Variants in MARCHF7 observed in about 807,000 individuals in gnomAD.
MARCHF7 encodes E3 ubiquitin-protein ligase MARCHF7.
A neutral mutation model predicts 76.5 loss-of-function variants in MARCHF7; 20 were observed. That is an observed-to-expected ratio of 0.26 (90% CI 0.18 to 0.38). The LOEUF is 0.38. MARCHF7 is among the 10% of genes least tolerant of loss of function. The pLI is 1.00. For missense variants in MARCHF7, 797 were observed against 812.9 expected (o/e 0.98, Z 0.24); for synonymous variants, 295 against 293.0 (o/e 1.01, Z -0.07).
intron 4 of MARCHF7, among the ~76,000 whole-genome samples, chr2:159,730,339 TTG>T (rs1416479144): frequency 6.6e-6 from 1 of 152,240 alleles, no homozygotes; most frequent in Non-Finnish European, 1.5e-5. Flanking sequence ...GAAAATTTCT[TTG>T]TGTTAAGTAT....
chr2:159,725,006 A>G (rs905547168), intron 3 of MARCHF7, among the ~76,000 whole-genome samples: 1 of 152,224 alleles, frequency 6.6e-6, no homozygotes, highest in East Asian at 1.9e-4. Flanking sequence ...TACAAAGGAC[A>G]TGAACTCATC....
At chr2:159,745,391 C>G (rs139082391) in intron 5 of MARCHF7, among the ~76,000 whole-genome samples, 1 of 152,096 alleles carries the variant, frequency 6.6e-6, no homozygotes. Flanking sequence ...TGCGGTGGCT[C>G]GTGCTGTGAT....
intron 3 of MARCHF7, among the ~76,000 whole-genome samples, chr2:159,720,911 A>T (rs1483226366): frequency 2.0e-5 from 3 of 152,152 alleles, no homozygotes; most frequent in African/African-American, 7.2e-5. Flanking sequence ...AGGCTGGGGT[A>T]CAGTGGCATG....
At chr2:159,722,612 A>G (rs752881741) in intron 3 of MARCHF7, among the ~76,000 whole-genome samples, 5 of 152,136 alleles carry the variant, frequency 3.3e-5, no homozygotes, top group Non-Finnish European at 5.9e-5. Context: ...GTATCCAAAA[A>G]ACTTGGTTAA....
At chr2:159,746,209 A>G (rs186631789) in intron 6 of MARCHF7, among the ~76,000 whole-genome samples, 2 of 152,302 alleles carry the variant, frequency 1.3e-5, no homozygotes, top group Admixed American at 1.3e-4. Flanking sequence ...GTAACATACT[A>G]AATCGTATAT....
Position 159,745,879 on chromosome 2 carries a change from C to T in MARCHF7, c.456C>T (p.Ser152=), listed in dbSNP as rs757083935. ...ERRDLERRTD[S]SISNLMDYSH... is the part of the protein sequence containing the mutation. ...GAGATTTGGAGAGAAGAACAGATTC[C>T]TCTATTAGTAATCTTATGGATTATA... The change falls in exon 6 of 12, where the codon TCC becomes TCT. Residue 152 remains serine (S), a synonymous_variant. Coordinates refer to ENST00000409175, the MANE Select transcript of MARCHF7 (RefSeq NM_001282805.2). 3 of 1,612,954 alleles carry T rather than the reference C, an allele frequency of 1.9e-6. No homozygotes were observed. The highest frequency in any genetic ancestry group is 3.3e-5 in the Admixed American group (2 of 59,954).
intron 4 of MARCHF7, among the ~76,000 whole-genome samples, chr2:159,731,808 A>C (rs112132811): frequency 0.08 from 12,156 of 151,576 alleles, 569 homozygotes; most frequent in African/African-American, 0.13. Context: ...TTTTAAAAAA[A>C]ACCATTTAAA....
At chr2:159,714,011 A>C (rs1700687869) in intron 1 of MARCHF7, among the ~76,000 whole-genome samples, 1 of 152,136 alleles carries the variant, frequency 6.6e-6, no homozygotes, top group South Asian at 2.1e-4. Context: ...TGCCACCTGG[A>C]AGAGGGCTAT....
At chr2:159,757,801 T>A (rs1706522883) in intron 8 of MARCHF7, among the ~76,000 whole-genome samples, 1 of 152,244 alleles carries the variant, frequency 6.6e-6, no homozygotes, top group Admixed American at 6.5e-5. Flanking sequence ...TACATTTTCA[T>A]GTATGCTAGA....
intron 3 of MARCHF7, among the ~76,000 whole-genome samples, chr2:159,717,818 A>G (rs1701206049): frequency 6.6e-6 from 1 of 152,242 alleles, no homozygotes; most frequent in African/African-American, 2.4e-5. Flanking sequence ...AGATAACAGC[A>G]AAATAATAAA....
chr2:159,764,255 T>TGTGTGTGTGCGC (rs10592175), intron 10 of MARCHF7, among the ~76,000 whole-genome samples: 76 of 131,472 alleles, frequency 5.8e-4, no homozygotes, highest in African/African-American at 2.3e-3. Context: ...TGTGTGTGTG[T>TGTGTGTGTGCGC]GCGCGCGCCC....
chr2:159,749,045 C>A, intron 7 of MARCHF7, 142 bp downstream of exon 7: 1 of 930,716 alleles, frequency 1.1e-6, no homozygotes, highest in Non-Finnish European at 1.5e-6. Context: ...ATGGCACCAT[C>A]TCGGCTCACT....
intron 9 of MARCHF7, among the ~76,000 whole-genome samples, chr2:159,760,708 C>CTTTTTTTTTTTTTTTTT (rs34933843): frequency 6.8e-6 from 1 of 147,410 alleles, no homozygotes; most frequent in Non-Finnish European, 1.5e-5. Context: ...CAGTTTTTTC[C>CTTTTTTTTTTTTTTTTT]TTTTTTGTTT....
At position 159,768,312 on chromosome 2, in the gene MARCHF7, G is replaced by C. The variant is rs1471568483; in HGVS notation, c.*970G>C. The C allele has an allele frequency of 6.6e-6, 1 of 152,554 alleles. No individual in the cohort carries two copies. The highest frequency in any genetic ancestry group is 1.5e-5 in the Non-Finnish European group (1 of 67,992). 9.5% of individuals were successfully genotyped at this position (152,554 alleles called of 1,614,324 possible). A position where few individuals can be genotyped will look rare whatever the true frequency, so the allele number is the denominator to read the frequency against. On this transcript the variant is annotated 3_prime_UTR_variant, in exon 12 of 12. Transcript: ENST00000409175. ...TATTTTTCACTACCTTTGGAGAACA[G>C]ATGAACATTATTCACCATGAATGGA... is the stretch of plus-strand genomic sequence containing the variant.
chr2:159,725,763 A>ATGG (rs1174802523), intron 3 of MARCHF7, among the ~76,000 whole-genome samples: 1 of 152,134 alleles, frequency 6.6e-6, no homozygotes, highest in Non-Finnish European at 1.5e-5. Flanking sequence ...CCTTGATTAC[A>ATGG]TGGTAGTCCT....
intron 3 of MARCHF7, among the ~76,000 whole-genome samples, chr2:159,724,356 G>C (rs7578537): frequency 6.6e-6 from 1 of 152,010 alleles, no homozygotes; most frequent in South Asian, 2.1e-4. Flanking sequence ...CTTAGTGTTG[G>C]TCTTTTTTCT....
intron 3 of MARCHF7, among the ~76,000 whole-genome samples, chr2:159,728,349 GTTCA>G (rs1702405748): frequency 6.6e-6 from 1 of 152,150 alleles, no homozygotes; most frequent in East Asian, 1.9e-4. Flanking sequence ...TAAAAAGAAA[GTTCA>G]TTCATTCTTA....
At position 159,714,113 on chromosome 2, in the gene MARCHF7, A is replaced by G. The variant is rs114788729; in HGVS notation, c.-142-444A>G. 4.2e-3 allele frequency among the ~76,000 whole-genome samples: 647 copies of G among 152,302 alleles called. 4 individuals carry two copies. Among genetic ancestry groups the G allele is most frequent in the African/African-American group, 0.014 (602 of 41,564 alleles). The stretch of plus-strand genomic sequence containing the variant: ...GACACAAAAGTCATCCATGACTCTC[A>G]TGTAGCCAATTTTTAGTCCGCTCCA... On this transcript the variant is annotated intron_variant, in intron 1 of 11. Coordinates refer to ENST00000409175, the MANE Select transcript of MARCHF7 (RefSeq NM_001282805.2).
intron 4 of MARCHF7, among the ~76,000 whole-genome samples, chr2:159,742,484 AAAAC>A (rs1333804522): frequency 1.3e-5 from 2 of 152,154 alleles, no homozygotes; most frequent in African/African-American, 4.8e-5. Flanking sequence ...CAAAAAGAAA[AAAAC>A]AAATATTAGG....
Sources: allele counts gnomAD v4.1 joint callset (sites outside exome capture counted in the v4.1 genomes callset), GRCh38; gene constraint gnomAD v4.1.1; transcripts MANE v1.5; gene names NCBI Gene and HGNC (gene_info 2026-07-23, HGNC 2026-07-21).